Variants in RASA3 observed in about 807,000 individuals in gnomAD.
RASA3 encodes the protein RAS p21 protein activator 3.
Under a neutral mutation model 110.0 loss-of-function variants are expected in RASA3, and 73 were observed. The ratio of observed to expected loss-of-function variants is 0.66; its 90% CI spans 0.55 to 0.81. The LOEUF is 0.81. Among genes scored for constraint, RASA3 ranks in the 30% least tolerant of loss-of-function variants. The pLI, the probability that RASA3 is intolerant of heterozygous loss-of-function variation, is 0.00. For missense variants in RASA3, 976 were observed against 1,113.2 expected, an observed-to-expected ratio of 0.88 and a Z score of 1.75; for synonymous variants, 500 against 451.4, an observed-to-expected ratio of 1.11 and a Z score of -1.37.
Position 114,010,843 on chromosome 13 carries a change from G to A in RASA3, c.1590+328C>T, listed in dbSNP as rs528967341. ...TGCGTGACGAGGAGCCTCCAGCACC[G>A]CAACGCCCAGGAGGCGCCAGGTTAG... On this transcript the variant is annotated intron_variant, in intron 16 of 23. Transcript: ENST00000334062. Among the ~76,000 whole-genome samples the A allele has an allele frequency of 4.6e-5, 7 of 152,060 alleles. 1 individual carries two copies. In the South Asian group the frequency reaches 1.4e-3, roughly 31 times the overall value.
chr13:114,037,282 C>T (rs753120091), intron 4 of RASA3, among the ~76,000 whole-genome samples: 8 of 152,164 alleles, frequency 5.3e-5, no homozygotes, highest in Admixed American at 1.3e-4. Flanking sequence ...AACAGCCCAT[C>T]GGCAGGTGAC....
intron 4 of RASA3, among the ~76,000 whole-genome samples, chr13:114,038,297 C>T (rs987616242): frequency 2.0e-5 from 3 of 152,226 alleles, no homozygotes; most frequent in Admixed American, 6.5e-5. Flanking sequence ...CCGGGCAGCA[C>T]GTGGGAAACC....
At chr13:114,040,944 C>G (rs971077634) in intron 4 of RASA3, 56 bp downstream of exon 4, 2 of 1,553,504 alleles carry the variant, frequency 1.3e-6, no homozygotes, top group African/African-American at 2.7e-5. Flanking sequence ...GGGCCCGTCT[C>G]GAAGCCCCAT....
In RASA3 at chr13:114,114,299, G is replaced by A. The variant is rs987184409; in HGVS notation, c.55+18136C>T. On this transcript the variant is annotated intron_variant, in intron 1 of 23. Transcript: ENST00000334062. This position sits in a 1 kb window ranked among gnomAD's most constrained non-coding sequence, Gnocchi z 4.8. ...CAAAACGAATTTCCTCCTGTCACAC[G>A]CTAACTTTCTGTTCTGGATTTCCTG... Among the ~76,000 whole-genome samples, 9 of 152,226 alleles carry A rather than the reference G, an allele frequency of 5.9e-5. No homozygotes were observed. The highest frequency in any genetic ancestry group is 2.6e-4 in the Admixed American group (4 of 15,280).
intron 1 of RASA3, among the ~76,000 whole-genome samples, chr13:114,083,135 G>A (rs2079808867): frequency 6.6e-6 from 1 of 152,212 alleles, no homozygotes; most frequent in Non-Finnish European, 1.5e-5. Flanking sequence ...GGGAATGCTG[G>A]CGCTTCACTC....
chr13:114,017,478 G>T, intron 11 of RASA3, 127 bp from the exon 12 acceptor site: 1 of 760,020 alleles, frequency 1.3e-6, no homozygotes, highest in Non-Finnish European at 2.3e-6. Context: ...TCGGCTTCCT[G>T]ACATTTTACA....
chr13:114,030,923 G>C (rs1480763024), intron 4 of RASA3, among the ~76,000 whole-genome samples: 1 of 147,988 alleles, frequency 6.8e-6, no homozygotes, highest in East Asian at 2.0e-4. Flanking sequence ...GCCTATGCAT[G>C]CATGCGACTA....
chr13:114,100,840 A>C (rs1454104856), intron 1 of RASA3, among the ~76,000 whole-genome samples: 1 of 152,208 alleles, frequency 6.6e-6, no homozygotes, highest in Admixed American at 6.5e-5. Flanking sequence ...TGTTCTCGCC[A>C]CCTGGAGAGG....
chr13:114,093,847 T>C (rs1274628176), intron 1 of RASA3, among the ~76,000 whole-genome samples: 1 of 152,190 alleles, frequency 6.6e-6, no homozygotes, highest in African/African-American at 2.4e-5. Context: ...TGCTCTCTCT[T>C]TCATTTTTGC....
In RASA3 at chr13:114,013,203, AG is replaced by A; in HGVS notation, c.1450del (p.Leu484Ter). ...RYTAVSSFIF[L>X]RFFAPAILSP... ...GAGAATGGCGGGCGCAAAGAACCTC[AG>A]GAAGATGAAGCTGCTCACTGCAGTG... On this transcript the variant is annotated frameshift_variant, in exon 15 of 24. Transcript: ENST00000334062. LOFTEE classifies it high-confidence loss of function. 1 of 1,613,374 alleles carries A rather than the reference AG, an allele frequency of 6.2e-7. No homozygotes were observed. The highest frequency in any genetic ancestry group is 8.5e-7 in the Non-Finnish European group (1 of 1,179,726).
chr13:114,035,633 C>T (rs55738068), intron 4 of RASA3: 48,370 of 152,776 alleles, frequency 0.32, 8,187 homozygotes, highest in Middle Eastern at 0.44. Context: ...CACCGGTTGC[C>T]GTGTCCCCCA....
intron 21 of RASA3, among the ~76,000 whole-genome samples, chr13:113,993,947 T>C (rs2053177935): frequency 6.6e-6 from 1 of 152,042 alleles, no homozygotes; most frequent in East Asian, 1.9e-4. Context: ...GAGGGCCTGA[T>C]AGGAACGCGC....
In RASA3 at chr13:113,991,906, CCA is replaced by C. The variant is rs545079620; in HGVS notation, c.2245+577_2245+578del. Among the ~76,000 whole-genome samples the C allele has an allele frequency of 1.4e-3, 207 of 152,116 alleles. 3 individuals are homozygous for C. The highest frequency in any genetic ancestry group is 0.011 in the Admixed American group (162 of 15,272). On this transcript the variant is annotated intron_variant, in intron 22 of 23. Transcript: ENST00000334062. Reference sequence around the variant, plus strand: ...CACACACACATGCTCACACATGTACCCACACATTCACTCTCATACATGTCATG... The same window carrying C: ...CACACACACATGCTCACACATGTACCCACATTCACTCTCATACATGTCATG...
intron 1 of RASA3, among the ~76,000 whole-genome samples, chr13:114,088,951 A>C: frequency 6.6e-6 from 1 of 152,192 alleles, no homozygotes; most frequent in East Asian, 1.9e-4. Flanking sequence ...CGTAAGAAAT[A>C]AATAGGGATT....
At chr13:113,993,003 A>C (rs2053154809) in intron 21 of RASA3, among the ~76,000 whole-genome samples, 1 of 152,240 alleles carries the variant, frequency 6.6e-6, no homozygotes, top group African/African-American at 2.4e-5. Flanking sequence ...ATCAATACAT[A>C]AGAAATTTAG....
chr13:114,063,650 G>A (rs999491418), intron 2 of RASA3, among the ~76,000 whole-genome samples: 3 of 152,238 alleles, frequency 2.0e-5, no homozygotes, highest in African/African-American at 7.2e-5. Flanking sequence ...CCCCTGCCAT[G>A]TGCACGCTGT....
At chr13:114,073,879 T>C (rs776852213) in intron 1 of RASA3, 42 bp from the exon 2 acceptor site, 11 of 1,500,178 alleles carry the variant, frequency 7.3e-6, no homozygotes, top group Non-Finnish European at 1.0e-5. Context: ...AGCGTAGAAA[T>C]GTTTGTTCCC....
At chr13:114,041,218 C>T (rs767692284) in intron 3 of RASA3, 124 bp from the exon 4 acceptor site, 143 of 828,172 alleles carry the variant, frequency 1.7e-4, no homozygotes, top group Non-Finnish European at 1.4e-4. Flanking sequence ...AATGGGGCAC[C>T]GGCCGGGTGC....
At chr13:114,118,420 G>A (rs1488076536) in intron 1 of RASA3, among the ~76,000 whole-genome samples, 1 of 152,032 alleles carries the variant, frequency 6.6e-6, no homozygotes, top group Non-Finnish European at 1.5e-5. Context: ...AAAACTAAAA[G>A]CTTTTGCCTT....
Sources: gnomAD v4.1 joint callset for allele counts (sites outside exome capture counted in the v4.1 genomes callset) on GRCh38, gnomAD v4.1.1 for gene constraint, Gnocchi (gnomAD v3.1) non-coding constraint, MANE v1.5 for transcripts, NCBI Gene and HGNC (gene_info 2026-07-23, HGNC 2026-07-21) for gene names.